ZNF567: variants seen among roughly 807,000 people sequenced by gnomAD.
ZNF567 encodes zinc finger protein 567.
A neutral mutation model predicts 53.9 loss-of-function variants in ZNF567; 36 were observed. That is an observed-to-expected ratio of 0.67 (90% CI 0.51 to 0.88). The LOEUF is 0.88. Among genes scored for constraint, ZNF567 ranks in the 40% least tolerant of loss-of-function variants. The pLI, the probability that ZNF567 is intolerant of heterozygous loss-of-function variation, is 0.00. For missense variants in ZNF567, 619 were observed against 764.7 expected (o/e 0.81, Z 2.25); for synonymous variants, 224 against 260.4 (o/e 0.86, Z 1.35).
At chr19:36,700,909 T>G (rs557545869) in intron 3 of ZNF567, among the ~76,000 whole-genome samples, 465 of 152,206 alleles carry the variant, frequency 3.1e-3, no homozygotes, top group African/African-American at 0.011. Flanking sequence ...GGGTTTTTTT[T>G]GTCTCTATTT....
In ZNF567 at chr19:36,712,714, T is replaced by C. The variant is rs528574457; in HGVS notation, c.137-67T>C. ...GTGTCTTAATTTGCAGTACTGAACATGCCCCTTTCCTCATTTTTCAGTGGT... is the reference window on the plus strand; with the variant it reads ...GTGTCTTAATTTGCAGTACTGAACACGCCCCTTTCCTCATTTTTCAGTGGT... On this transcript the variant is annotated intron_variant, in intron 4 of 5. Coordinates refer to ENST00000682579, the MANE Select transcript of ZNF567 (RefSeq NM_001322917.1). 6 of 1,496,464 alleles carry C rather than the reference T, an allele frequency of 4.0e-6. No homozygotes were observed. In the East Asian group the frequency reaches 1.4e-4, roughly 34 times the overall value. 92.7% of individuals were successfully genotyped at this position (1,496,464 alleles called of 1,614,324 possible).
rs1183533342 is a variant in ZNF567 at position 36,718,953 on chromosome 19, A to G, written c.229A>G (p.Asn77Asp). Residue 77 changes from asparagine (N) to aspartate (D), a missense_variant, in exon 6 of 6, where the codon AAC (asparagine) becomes GAC (aspartate). By Grantham distance (23) the Asn-to-Asp change is conservative. Coordinates refer to ENST00000682579, the MANE Select transcript of ZNF567 (RefSeq NM_001322917.1). ...SFAGHTCLEE[N>D]WKAEDFLVKF... ...TCAATTATATTCTTTTCTAGAAGAA[A>G]ACTGGAAAGCTGAAGACTTTTTAGT... The G allele has an allele frequency of 3.2e-6, 5 of 1,556,044 alleles. No individual in the cohort carries two copies. The highest frequency in any genetic ancestry group is 2.2e-5 in the Admixed American group (1 of 45,266).
intron 3 of ZNF567, among the ~76,000 whole-genome samples, chr19:36,697,047 A>G (rs1199094741): frequency 2.6e-5 from 4 of 152,204 alleles, no homozygotes; most frequent in Admixed American, 2.6e-4. Context: ...TTTCATTAGG[A>G]GACAAGAAAA....
chr19:36,670,705 C>G, the ZNF567 span, among the ~76,000 whole-genome samples: 1 of 152,316 alleles, frequency 6.6e-6, no homozygotes, highest in East Asian at 1.9e-4. Flanking sequence ...ATTGGTAAGG[C>G]CAGTAATACG....
intron 3 of ZNF567, among the ~76,000 whole-genome samples, chr19:36,709,919 T>C (rs1303008386): frequency 6.6e-6 from 1 of 152,212 alleles, no homozygotes; most frequent in Non-Finnish European, 1.5e-5. Flanking sequence ...CTAAGTGTGG[T>C]TTTCTTTGGT....
chr19:36,668,918 T>C, the ZNF567 span: 1 of 152,180 alleles, frequency 6.6e-6, no homozygotes, highest in Non-Finnish European at 1.5e-5. Context: ...GGGTCTTGCA[T>C]TGTGGATTCA....
chr19:36,692,369 G>C (rs983893110), intron 2 of ZNF567, among the ~76,000 whole-genome samples: 2 of 151,986 alleles, frequency 1.3e-5, no homozygotes, highest in African/African-American at 4.8e-5. Context: ...ACAATTTTCT[G>C]ATTTTTTGTT....
At chr19:36,712,652 C>G (rs1371012556) in intron 4 of ZNF567, 129 bp from the exon 5 acceptor site, 2 of 1,402,518 alleles carry the variant, frequency 1.4e-6, no homozygotes, top group Non-Finnish European at 2.0e-6. Flanking sequence ...CTTCACTTAC[C>G]CAGTGCAAGG....
At chr19:36,689,749 G>T (rs1349815015) in intron 2 of ZNF567, among the ~76,000 whole-genome samples, 2 of 152,062 alleles carry the variant, frequency 1.3e-5, no homozygotes, top group East Asian at 3.9e-4. Flanking sequence ...CAGTCACTTT[G>T]CCCTCCCAAA....
chr19:36,686,079 C>A (rs1283487769), upstream of ZNF567: 1 of 152,224 alleles, frequency 6.6e-6, no homozygotes, highest in African/African-American at 2.4e-5. Context: ...TCTCAGAAGT[C>A]TCACAATATC....
chr19:36,722,703 C>T (rs2040314872), downstream of ZNF567, among the ~76,000 whole-genome samples: 1 of 152,224 alleles, frequency 6.6e-6, no homozygotes, highest in African/African-American at 2.4e-5. Context: ...TAAACAGACC[C>T]TCTGGCCTGT....
chr19:36,726,069 T>G (rs1454917791), downstream of ZNF567, among the ~76,000 whole-genome samples: 2 of 152,240 alleles, frequency 1.3e-5, no homozygotes, highest in Admixed American at 6.5e-5. Flanking sequence ...CTGTTTCCAC[T>G]CTTTGTCCCT....
rs2038795770 is a variant in ZNF567, at chr19:36,694,837, G to A, written c.-31G>A. On this transcript the variant is annotated 5_prime_UTR_variant, in exon 3 of 6. Transcript: ENST00000682579. ...TTTTCTAAAGAGGACTCCAAAGGAA[G>A]GACTGGTCATCTCTTTCATATCTCA... 6.6e-7 allele frequency: 1 copy of A among 1,522,380 alleles called. No homozygotes were observed. The highest frequency in any genetic ancestry group is 1.2e-5 in the South Asian group (1 of 80,818). 94.3% of individuals were successfully genotyped at this position (1,522,380 alleles called of 1,614,324 possible). A position where few individuals can be genotyped will look rare whatever the true frequency, so the allele number is the denominator to read the frequency against.
chr19:36,719,738 A>G lies in ZNF567; in HGVS notation c.1014A>G (p.Glu338=), dbSNP rs2040227826. The change falls in exon 6 of 6, where the codon GAA becomes GAG. Residue 338 remains glutamate, a synonymous_variant. Coordinates refer to ENST00000682579, the MANE Select transcript of ZNF567 (RefSeq NM_001322917.1). ...QRTHTGEKSY[E]CLQCRNAFRL... is the part of the protein sequence containing the mutation. ...CACACACAGGGGAGAAATCGTATGA[A>G]TGTCTGCAATGTAGGAATGCCTTCA... 1 of 1,614,020 alleles carries G rather than the reference A, an allele frequency of 6.2e-7. No homozygotes were observed. The highest frequency in any genetic ancestry group is 8.5e-7 in the Non-Finnish European group (1 of 1,180,018).
Position 36,719,407 on chromosome 19 carries a change from A to G in ZNF567, c.683A>G (p.His228Arg), listed in dbSNP as rs1428449749. The change falls in exon 6 of 6, where the codon CAT becomes CGT. Residue 228 changes from histidine to arginine, a missense_variant. His to Arg is a conservative substitution (Grantham distance 29, BLOSUM62 0). Transcript: ENST00000682579. ...SFLQRGGLIT[H>R]SRPYKGENPS... is the part of the protein sequence containing the mutation. ...CTTCAAAGGGGAGGCCTGATTACAC[A>G]TAGTAGACCTTACAAAGGAGAAAAC... 2.5e-6 allele frequency: 4 copies of G among 1,613,842 alleles called. No homozygotes were observed. In the South Asian group the frequency reaches 4.4e-5, roughly 18 times the overall value.
the ZNF567 span, among the ~76,000 whole-genome samples, chr19:36,677,246 T>C: frequency 7.7e-6 from 1 of 129,072 alleles, no homozygotes. Context: ...GATCACGAGG[T>C]CAGGAGTTCG....
chr19:36,721,752 T>TTC (rs2040305682), downstream of ZNF567, among the ~76,000 whole-genome samples: 1 of 141,702 alleles, frequency 7.1e-6, no homozygotes, highest in East Asian at 2.0e-4. Flanking sequence ...TTCTTTTTTT[T>TTC]TTTTTTTTTT....
intron 5 of ZNF567, among the ~76,000 whole-genome samples, chr19:36,716,256 A>G (rs760585721): frequency 3.3e-5 from 5 of 152,094 alleles, no homozygotes; most frequent in Non-Finnish European, 7.4e-5. Flanking sequence ...ATTGTTGTTC[A>G]TGAATGTAGG....
At chr19:36,704,904 A>C (rs757697164) in intron 3 of ZNF567, among the ~76,000 whole-genome samples, 2 of 152,176 alleles carry the variant, frequency 1.3e-5, no homozygotes, top group Non-Finnish European at 2.9e-5. Flanking sequence ...TCAGGTTATC[A>C]GTTTTTCTTT....
Sources: allele counts gnomAD v4.1 joint callset (sites outside exome capture counted in the v4.1 genomes callset), GRCh38; gene constraint gnomAD v4.1.1; transcripts MANE v1.5; gene names NCBI Gene and HGNC (gene_info 2026-07-23, HGNC 2026-07-21).